NCEH1: variants seen among roughly 807,000 people sequenced by gnomAD.
NCEH1 encodes neutral cholesterol ester hydrolase 1.
A neutral mutation model predicts 25.4 loss-of-function variants in NCEH1; 9 were observed. That is an observed-to-expected ratio of 0.35 (90% confidence interval 0.21 to 0.62). The LOEUF (loss-of-function observed/expected upper bound fraction) is 0.62. Ranked by LOEUF, NCEH1 falls within the 20% of genes least tolerant of loss-of-function variation. NCEH1 has a pLI of 0.72. For synonymous variants in NCEH1, 200 were observed against 199.8 expected, an observed-to-expected ratio of 1.00 and a Z score of -0.01; for missense variants, 412 against 501.1, an observed-to-expected ratio of 0.82 and a Z score of 1.70.
At chr3:172,682,137 A>C (rs544800800) in intron 1 of NCEH1, among the ~76,000 whole-genome samples, 1 of 152,320 alleles carries the variant, frequency 6.6e-6, no homozygotes, top group Non-Finnish European at 1.5e-5. Context: ...AGGCCATGGC[A>C]CTACTGTTAA....
chr3:172,680,676 CCT>C (rs756233592), intron 1 of NCEH1: 1,718 of 132,848 alleles, frequency 0.013, 30 homozygotes, highest in African/African-American at 0.059. Flanking sequence ...GGCCCCCCCC[CCT>C]CCATCAGCCA....
chr3:172,639,430 T>C lies in NCEH1; in HGVS notation c.438-3343A>G, dbSNP rs759063572. Reference sequence around the variant, plus strand: ...ACCTAAGAAGTATATCAAAATTTTGTAATATCTAGACACAGAAAGCCAAGA... The same window carrying C: ...ACCTAAGAAGTATATCAAAATTTTGCAATATCTAGACACAGAAAGCCAAGA... On this transcript the variant is annotated intron_variant, in intron 3 of 4. Coordinates refer to ENST00000475381, the MANE Select transcript of NCEH1 (RefSeq NM_020792.6). Among the ~76,000 whole-genome samples the C allele has an allele frequency of 4.3e-4, 65 of 152,068 alleles. 1 individual carries two copies. Among genetic ancestry groups the C allele is most frequent in the Non-Finnish European group, 7.8e-4 (53 of 68,016 alleles).
chr3:172,663,100 G>C (rs1440720719), intron 1 of NCEH1, among the ~76,000 whole-genome samples: 2 of 152,136 alleles, frequency 1.3e-5, no homozygotes, highest in Non-Finnish European at 2.9e-5. Context: ...TGGGCATTTA[G>C]TGCATAAATT....
intron 1 of NCEH1, among the ~76,000 whole-genome samples, chr3:172,708,063 C>A (rs1333829731): frequency 6.6e-6 from 1 of 152,186 alleles, no homozygotes; most frequent in African/African-American, 2.4e-5. Context: ...TCCTAAGTAG[C>A]TGCTTCTTAA....
At position 172,641,199 on chromosome 3, in the gene NCEH1, A is replaced by G. The variant is rs191953889; in HGVS notation, c.437+4424T>C. 3.6e-3 allele frequency among the ~76,000 whole-genome samples: 551 copies of G among 151,330 alleles called. 20 individuals are homozygous for G. The highest frequency in any genetic ancestry group is 0.035 in the Admixed American group (526 of 15,194). On this transcript the variant is annotated intron_variant, in intron 3 of 4. Transcript: ENST00000475381. ...ATAAATATAAGGCCTTTTATATTCT[A>G]GATTGTATAAATGAGGATACATCTG...
In NCEH1 at chr3:172,672,055, G is replaced by C. The variant is rs529686483; in HGVS notation, c.139-23941C>G. Among the ~76,000 whole-genome samples, 8 of 152,232 alleles carry C rather than the reference G, an allele frequency of 5.3e-5. No homozygotes were observed. In the South Asian group the frequency reaches 1.5e-3, roughly 28 times the overall value. Reference sequence around the variant, plus strand: ...TTCACCCAGAGCAAATTCTACTCCTGCAAGCTCCACGGTAAGTGCCTTACA... The same window carrying C: ...TTCACCCAGAGCAAATTCTACTCCTCCAAGCTCCACGGTAAGTGCCTTACA... On this transcript the variant is annotated intron_variant, in intron 1 of 4. Transcript: ENST00000475381.
intron 1 of NCEH1, among the ~76,000 whole-genome samples, chr3:172,651,848 C>T (rs1717419193): frequency 6.6e-6 from 1 of 152,106 alleles, no homozygotes. Flanking sequence ...CATGAGCCAC[C>T]GCGCCCGGCC....
intron 1 of NCEH1, among the ~76,000 whole-genome samples, chr3:172,692,321 G>A (rs1350606921): frequency 6.6e-6 from 1 of 152,140 alleles, no homozygotes; most frequent in Non-Finnish European, 1.5e-5. Context: ...AAATGCTACT[G>A]TAAGGTTCGT....
At position 172,632,443 on chromosome 3, in the gene NCEH1, C is replaced by T. The variant is rs1018348202; in HGVS notation, c.*1032G>A. 1 of 152,270 alleles carries T rather than the reference C, an allele frequency of 6.6e-6. No individual in the cohort carries two copies. Among genetic ancestry groups the T allele is most frequent in the African/African-American group, 2.4e-5 (1 of 41,346 alleles). 9.4% of individuals were successfully genotyped at this position (152,270 alleles called of 1,614,324 possible). A position where few individuals can be genotyped will look rare whatever the true frequency, so the allele number is the denominator to read the frequency against. On this transcript the variant is annotated 3_prime_UTR_variant, in exon 5 of 5. Coordinates refer to ENST00000475381, the MANE Select transcript of NCEH1 (RefSeq NM_020792.6). ...ACATTAAATAACTTAAAAAAATAAACAATACATTATATTGTAGCAAAATAG... is the reference window on the plus strand; with the variant it reads ...ACATTAAATAACTTAAAAAAATAAATAATACATTATATTGTAGCAAAATAG...
chr3:172,695,964 A>AAAAAAG (rs1039653768), intron 1 of NCEH1, among the ~76,000 whole-genome samples: 3 of 152,024 alleles, frequency 2.0e-5, no homozygotes, highest in African/African-American at 7.3e-5. Flanking sequence ...ATAAATAAAT[A>AAAAAAG]AAAAAGAAAA....
At chr3:172,676,407 T>C (rs777578951) in intron 1 of NCEH1, among the ~76,000 whole-genome samples, 1 of 152,090 alleles carries the variant, frequency 6.6e-6, no homozygotes, top group Non-Finnish European at 1.5e-5. Flanking sequence ...ATACCATGTG[T>C]TCAGAACATC....
chr3:172,675,354 T>C (rs1265018082), intron 1 of NCEH1, among the ~76,000 whole-genome samples: 1 of 151,832 alleles, frequency 6.6e-6, no homozygotes, highest in Non-Finnish European at 1.5e-5. Context: ...ATTTTGTGAG[T>C]TGATGGGTGC....
intron 1 of NCEH1, 151 bp from the exon 2 acceptor site, chr3:172,648,265 T>C (rs2108496981): frequency 4.6e-6 from 4 of 867,330 alleles, no homozygotes; most frequent in South Asian, 3.6e-5. Context: ...AAACCAATTG[T>C]ATTTACCTTT....
rs79541935 is a variant in NCEH1, at chr3:172,675,528, C to T, written c.139-27414G>A. On this transcript the variant is annotated intron_variant, in intron 1 of 4. Transcript: ENST00000475381. ...TAAAGGAAGGATGTTTAGAATGAGTCAGAAAAATGTATGTTGTAAGAGAGT... is the reference window on the plus strand; with the variant it reads ...TAAAGGAAGGATGTTTAGAATGAGTTAGAAAAATGTATGTTGTAAGAGAGT... Among the ~76,000 whole-genome samples, 501 of 151,376 alleles carry T rather than the reference C, an allele frequency of 3.3e-3. 4 individuals carry two copies. Among genetic ancestry groups the T allele is most frequent in the African/African-American group, 0.011 (471 of 41,244 alleles).
chr3:172,678,585 A>C (rs1354395969), intron 1 of NCEH1, among the ~76,000 whole-genome samples: 1 of 152,220 alleles, frequency 6.6e-6, no homozygotes. Context: ...AACAATTGAG[A>C]TCTTCCATAT....
Position 172,710,887 on chromosome 3 carries a change from A to C in NCEH1, c.98T>G (p.Leu33Arg), listed in dbSNP as rs1714264527. ...LPGSVSDPWK[L>R]MLLDATFRGA... ...CCGGAAAGTGGCGTCCAGCAGCATC[A>C]GCTTCCAGGGGTCGGACACGGAGCC... The change falls in exon 1 of 5, where the codon CTG becomes CGG. Residue 33 changes from leucine (L) to arginine (R), a missense_variant. Physicochemically the swap from Leu to Arg is moderately radical, Grantham distance 102. Coordinates refer to ENST00000475381, the MANE Select transcript of NCEH1 (RefSeq NM_020792.6). The C allele has an allele frequency of 3.1e-6, 5 of 1,614,162 alleles. No homozygotes were observed. Among genetic ancestry groups the C allele is most frequent in the Non-Finnish European group, 4.2e-6 (5 of 1,180,032 alleles).
At chr3:172,701,466 T>TTTTA (rs1159407444) in intron 1 of NCEH1, among the ~76,000 whole-genome samples, 5 of 143,590 alleles carry the variant, frequency 3.5e-5, no homozygotes, top group South Asian at 2.2e-4. Flanking sequence ...TTTTTTTTTT[T>TTTTA]AAAGACGGAG....
At chr3:172,701,418 C>CTGGATTAGT (rs1713669956) in intron 1 of NCEH1, among the ~76,000 whole-genome samples, 1 of 149,136 alleles carries the variant, frequency 6.7e-6, no homozygotes. Flanking sequence ...ATGCTCTCAC[C>CTGGATTAGT]TGGATTAGTG....
At chr3:172,653,346 T>C (rs767741644) in intron 1 of NCEH1, among the ~76,000 whole-genome samples, 5 of 152,176 alleles carry the variant, frequency 3.3e-5, no homozygotes, top group Non-Finnish European at 7.3e-5. Context: ...TTTATGAATA[T>C]ATAAATTAGT....
Sources: gnomAD v4.1 joint callset for allele counts (sites outside exome capture counted in the v4.1 genomes callset) on GRCh38, gnomAD v4.1.1 for gene constraint, MANE v1.5 for transcripts, NCBI Gene and HGNC (gene_info 2026-07-23, HGNC 2026-07-21) for gene names.